Variants in ANO7 observed in about 807,000 individuals in gnomAD.
ANO7 encodes anoctamin-7.
A neutral mutation model predicts 115.8 loss-of-function variants in ANO7; 114 were observed. The ratio of observed to expected loss-of-function variants is 0.98; its 90% CI spans 0.85 to 1.15. The LOEUF is 1.15. ANO7 is among the 50% of genes most tolerant of loss of function. The pLI is 0.00. For synonymous variants in ANO7, 550 were observed against 498.2 expected (o/e 1.10, Z -1.38); for missense variants, 1,302 against 1,201.2 (o/e 1.08, Z -1.24).
chr2:241,201,456 C>G (rs2068470557), intron 7 of ANO7, 101 bp downstream of exon 7: 2 of 1,337,392 alleles, frequency 1.5e-6, no homozygotes, highest in South Asian at 2.8e-5. Flanking sequence ...TGCTTGAGAC[C>G]AGAGGGCCGA....
At chr2:241,218,437 G>T in intron 21 of ANO7, 56 bp downstream of exon 21, 1 of 1,252,558 alleles carries the variant, frequency 8.0e-7, no homozygotes, top group Non-Finnish European at 1.0e-6. Context: ...AGGCGGAGCG[G>T]GGCTCGGGTG....
intron 9 of ANO7, among the ~76,000 whole-genome samples, chr2:241,204,223 G>A (rs1015709909): frequency 1.3e-5 from 2 of 152,208 alleles, no homozygotes; most frequent in Non-Finnish European, 1.5e-5. Context: ...GGGCTTCTGG[G>A]GGCAAGCAGG....
the ANO7 span, chr2:241,236,465 C>A: frequency 6.5e-6 from 5 of 765,686 alleles, no homozygotes; most frequent in African/African-American, 1.7e-5. Flanking sequence ...CCGAGAAGCA[C>A]AGCCCGTGCG....
Position 241,224,296 on chromosome 2 carries a change from TC to T in ANO7, c.*149del. 3 of 914,562 alleles carry T rather than the reference TC, an allele frequency of 3.3e-6. No individual in the cohort carries two copies. The highest frequency in any genetic ancestry group is 4.9e-6 in the Non-Finnish European group (3 of 611,362). The allele number at this position is 914,562 out of a possible 1,614,324, so 56.7% of individuals were successfully genotyped here. On this transcript the variant is annotated 3_prime_UTR_variant, in exon 25 of 25. Transcript: ENST00000674324. ...CTCATCTCTGGGCACATTGCCTGCT[TC>T]CCCCCAGCGCCGGCTTCTCTCCTCA...
intron 1 of ANO7, among the ~76,000 whole-genome samples, chr2:241,189,329 G>A (rs145515839): frequency 6.4e-4 from 98 of 152,274 alleles, no homozygotes; most frequent in African/African-American, 2.2e-3. Context: ...CTGCCCCTCC[G>A]ACCTCCTGCG....
At chr2:241,238,867 C>G in the ANO7 span, 1 of 1,194,274 alleles carries the variant, frequency 8.4e-7, no homozygotes, top group Non-Finnish European at 1.2e-6. This position sits in a 1 kb window ranked among gnomAD's most constrained non-coding sequence, Gnocchi z 4.9. Flanking sequence ...CTCTTCACAC[C>G]ACCTTCCTCC....
chr2:241,232,407 C>T, the ANO7 span, among the ~76,000 whole-genome samples: 31 of 152,182 alleles, frequency 2.0e-4, no homozygotes, highest in Non-Finnish European at 3.1e-4. Context: ...TCCCGAGTAG[C>T]TGGGATTACA....
chr2:241,210,233 CTG>C, intron 13 of ANO7, 60 bp from the exon 14 acceptor site: 1 of 1,541,368 alleles, frequency 6.5e-7, no homozygotes, highest in East Asian at 2.2e-5. Context: ...GGGCCATGGC[CTG>C]AGGGTGCTGG....
intron 8 of ANO7, among the ~76,000 whole-genome samples, chr2:241,202,714 T>C (rs1250723707): frequency 6.6e-6 from 1 of 152,232 alleles, no homozygotes; most frequent in Non-Finnish European, 1.5e-5. Context: ...CTATCAGCGT[T>C]ACCATCATCC....
chr2:241,215,996 C>T (rs2068820129), intron 18 of ANO7, 97 bp from the exon 19 acceptor site: 1 of 1,456,874 alleles, frequency 6.9e-7, no homozygotes, highest in South Asian at 1.4e-5. Context: ...AATTGCAAAG[C>T]AACAGGCTTG....
At chr2:241,234,574 C>T in the ANO7 span, among the ~76,000 whole-genome samples, 1 of 152,222 alleles carries the variant, frequency 6.6e-6, no homozygotes, top group Non-Finnish European at 1.5e-5. Flanking sequence ...GCTCCAAGTT[C>T]CAGAACCCCT....
the ANO7 span, chr2:241,236,454 G>A: frequency 7.0e-6 from 5 of 711,506 alleles, 1 homozygote; most frequent in South Asian, 8.9e-5. Context: ...TCTGTGTCCA[G>A]CCGAGAAGCA....
chr2:241,223,155 C>T (rs1337291152), intron 21 of ANO7, 31 bp from the exon 22 acceptor site: 7 of 1,603,066 alleles, frequency 4.4e-6, no homozygotes, highest in Non-Finnish European at 6.0e-6. Flanking sequence ...TCAGCCCTGG[C>T]TGCGCGCACT....
At chr2:241,195,580 C>A (rs2068306052) in intron 3 of ANO7, 123 bp from the exon 4 acceptor site, 12 of 906,614 alleles carry the variant, frequency 1.3e-5, no homozygotes, top group Non-Finnish European at 1.7e-5. Flanking sequence ...CGGGAAGGAA[C>A]CGGCCCTGAG....
chr2:241,209,657 C>T (rs1484521356), intron 13 of ANO7, 22 bp downstream of exon 13: 19 of 1,520,280 alleles, frequency 1.2e-5, no homozygotes, highest in East Asian at 4.5e-5. Context: ...CCCTGCCCTC[C>T]GCTCACGCCT....
intron 11 of ANO7, 67 bp downstream of exon 11, chr2:241,207,737 C>T: frequency 6.8e-7 from 1 of 1,465,346 alleles, no homozygotes; most frequent in Non-Finnish European, 9.5e-7. Flanking sequence ...CTCCCCTTGT[C>T]CTGGTCCTGA....
the ANO7 span, chr2:241,236,346 C>T: frequency 2.0e-6 from 1 of 507,654 alleles, no homozygotes. Context: ...ACAGCCCCCG[C>T]ACCCACCGTG....
chr2:241,239,521 G>A, the ANO7 span: 5 of 1,151,304 alleles, frequency 4.3e-6, no homozygotes, highest in African/African-American at 1.5e-5. The surrounding 1 kb of genome is among the most constrained non-coding windows in gnomAD (Gnocchi z 4.6). Flanking sequence ...CTCCCTACAG[G>A]GTGGAGCGAA....
rs201381970 is a variant in ANO7, at chr2:241,218,361, C to T, written c.2301C>T (p.Ala767=). 4.1e-6 allele frequency: 6 copies of T among 1,462,658 alleles called. No individual in the cohort carries two copies. Among genetic ancestry groups the T allele is most frequent in the Admixed American group, 4.6e-5 (2 of 43,114 alleles). The allele number at this position is 1,462,658 out of a possible 1,614,324, so 90.6% of individuals were successfully genotyped here. A position where few individuals can be genotyped will look rare whatever the true frequency, so the allele number is the denominator to read the frequency against. Residue 767 remains alanine (A), a synonymous_variant, in exon 21 of 25, where the codon GCC becomes GCT. Coordinates refer to ENST00000674324, the MANE Select transcript of ANO7 (RefSeq NM_001370694.2). ...TLARAPSSFA[A]AHNRTCRYRA... ...CGCGAGCCCCGTCCTCCTTCGCCGCCGCGCACAACCGCACGTGCAGGTGAG... is the reference window on the plus strand; with the variant it reads ...CGCGAGCCCCGTCCTCCTTCGCCGCTGCGCACAACCGCACGTGCAGGTGAG...
Sources: gnomAD v4.1 joint callset for allele counts (sites outside exome capture counted in the v4.1 genomes callset) on GRCh38, gnomAD v4.1.1 for gene constraint, Gnocchi (gnomAD v3.1) non-coding constraint, MANE v1.5 for transcripts, NCBI Gene and HGNC (gene_info 2026-07-23, HGNC 2026-07-21) for gene names.